NBAS: variants seen among roughly 807,000 people sequenced by gnomAD.
NBAS encodes the protein NBAS subunit of NRZ tethering complex.
Under a neutral mutation model 302.5 loss-of-function variants are expected in NBAS, and 219 were observed. The observed-to-expected ratio is 0.72, with a 90% CI of 0.65 to 0.81. The LOEUF is 0.81. Ranked by LOEUF, NBAS falls within the 30% of genes least tolerant of loss-of-function variation. The pLI, the probability that NBAS is intolerant of heterozygous loss-of-function variation, is 0.00. For synonymous variants in NBAS, 1,118 were observed against 1,021.6 expected (o/e 1.09, Z -1.80); for missense variants, 2,932 against 2,841.6 (o/e 1.03, Z -0.72).
At chr2:14,987,661 CA>C in the NBAS span, among the ~76,000 whole-genome samples, 3 of 151,916 alleles carry the variant, frequency 2.0e-5, no homozygotes, top group Admixed American at 2.0e-4. Flanking sequence ...TTTAACATAA[CA>C]TTTTTTACTT....
chr2:15,491,491 C>G (rs1231765199), intron 11 of NBAS, among the ~76,000 whole-genome samples: 3 of 152,232 alleles, frequency 2.0e-5, no homozygotes, highest in Admixed American at 1.3e-4. Context: ...AATCCCAGCA[C>G]TTTGGGAGGC....
At chr2:15,070,662 C>T in the NBAS span, among the ~76,000 whole-genome samples, 1 of 152,148 alleles carries the variant, frequency 6.6e-6, no homozygotes, top group African/African-American at 2.4e-5. Flanking sequence ...GGGCCTATTC[C>T]CTTCCATGGA....
At chr2:15,558,325 A>G (rs1302178995) in intron 2 of NBAS, among the ~76,000 whole-genome samples, 1 of 152,182 alleles carries the variant, frequency 6.6e-6, no homozygotes, top group African/African-American at 2.4e-5. Flanking sequence ...AATTGAGGAC[A>G]CCTGTTCTAG....
the NBAS span, among the ~76,000 whole-genome samples, chr2:14,893,305 T>C: frequency 6.6e-6 from 1 of 152,214 alleles, no homozygotes; most frequent in African/African-American, 2.4e-5. Flanking sequence ...AGAAAACTGC[T>C]TTTGGATTTA....
chr2:15,138,913 G>A, the NBAS span, among the ~76,000 whole-genome samples: 166 of 152,210 alleles, frequency 1.1e-3, 1 homozygote, highest in South Asian at 0.017. Context: ...CTTATTCTTG[G>A]GAGAAAAAGA....
At chr2:14,994,047 A>C in the NBAS span, among the ~76,000 whole-genome samples, 2 of 152,340 alleles carry the variant, frequency 1.3e-5, no homozygotes, top group Admixed American at 1.3e-4. Flanking sequence ...TCTATCATGT[A>C]CCTAGCACAC....
the NBAS span, among the ~76,000 whole-genome samples, chr2:15,160,811 A>G: frequency 6.6e-6 from 1 of 152,220 alleles, no homozygotes; most frequent in Admixed American, 6.5e-5. Context: ...CAACTGGGTG[A>G]GGTCAGCTGG....
chr2:14,982,153 G>A, the NBAS span, among the ~76,000 whole-genome samples: 1 of 152,156 alleles, frequency 6.6e-6, no homozygotes, highest in East Asian at 1.9e-4. Context: ...CACATGGAGA[G>A]GCCATGCATA....
chr2:15,353,029 T>C (rs187514744), intron 34 of NBAS, among the ~76,000 whole-genome samples: 42 of 152,226 alleles, frequency 2.8e-4, no homozygotes, highest in Admixed American at 2.6e-3. Context: ...AGAATGACTA[T>C]GGGATGAAAA....
At chr2:15,110,414 A>G in the NBAS span, among the ~76,000 whole-genome samples, 2 of 152,164 alleles carry the variant, frequency 1.3e-5, no homozygotes, top group Admixed American at 1.3e-4. Context: ...TTGTTCTAGT[A>G]ACTTCTAATA....
the NBAS span, among the ~76,000 whole-genome samples, chr2:14,779,345 G>T: frequency 6.6e-6 from 1 of 152,172 alleles, no homozygotes; most frequent in East Asian, 1.9e-4. Flanking sequence ...TCTCAATGTA[G>T]TTGTCAGAAT....
At chr2:15,192,987 T>C (rs2125145662) in intron 48 of NBAS, among the ~76,000 whole-genome samples, 1 of 152,326 alleles carries the variant, frequency 6.6e-6, no homozygotes, top group South Asian at 2.1e-4. Flanking sequence ...ATATACATTT[T>C]GAGGAAATAA....
chr2:15,498,281 A>G (rs1468846517), intron 11 of NBAS, among the ~76,000 whole-genome samples: 7 of 152,186 alleles, frequency 4.6e-5, no homozygotes, highest in Admixed American at 4.6e-4. Flanking sequence ...TTCTAATCTG[A>G]TTCTAATCTA....
At chr2:15,327,955 T>A in intron 37 of NBAS, 85 bp from the exon 38 acceptor site, 3 of 1,541,566 alleles carry the variant, frequency 1.9e-6, no homozygotes, top group Non-Finnish European at 2.7e-6. Context: ...TAGGATGTTA[T>A]GTTTTCTGGT....
the NBAS span, among the ~76,000 whole-genome samples, chr2:15,076,114 T>C: frequency 6.6e-6 from 1 of 152,178 alleles, no homozygotes; most frequent in Non-Finnish European, 1.5e-5. Flanking sequence ...AATAACTACC[T>C]CTATTAGGCA....
chr2:15,190,488 C>T (rs1009972502), intron 48 of NBAS, 85 bp from the exon 49 acceptor site: 11 of 1,488,002 alleles, frequency 7.4e-6, no homozygotes, highest in East Asian at 2.5e-5. Flanking sequence ...TTTAATTAAA[C>T]TTTTTTTTAA....
rs147660917 is a variant in NBAS at position 15,281,562 on chromosome 2, T to C, written c.5139-4461A>G. On this transcript the variant is annotated intron_variant, in intron 42 of 51. Coordinates refer to ENST00000281513, the MANE Select transcript of NBAS (RefSeq NM_015909.4). ...AGCTACTATTTTTTTTAACACCTAATACATATCAGGTATTCTGAATAAATC... is the reference window on the plus strand; with the variant it reads ...AGCTACTATTTTTTTTAACACCTAACACATATCAGGTATTCTGAATAAATC... 6.0e-3 allele frequency among the ~76,000 whole-genome samples: 907 copies of C among 152,314 alleles called. 6 individuals carry two copies. The highest frequency in any genetic ancestry group is 0.017 in the Middle Eastern group (5 of 294).
the NBAS span, among the ~76,000 whole-genome samples, chr2:14,972,863 G>T: frequency 1.3e-5 from 2 of 152,196 alleles, no homozygotes; most frequent in African/African-American, 2.4e-5. Context: ...GCTGTCTCCA[G>T]GGATGACATC....
chr2:14,938,765 T>C, the NBAS span, among the ~76,000 whole-genome samples: 3 of 152,166 alleles, frequency 2.0e-5, no homozygotes, highest in Non-Finnish European at 4.4e-5. Context: ...AACAAAGAAA[T>C]TAAGGGTTAT....
Sources: allele counts gnomAD v4.1 joint callset (sites outside exome capture counted in the v4.1 genomes callset), GRCh38; gene constraint gnomAD v4.1.1; transcripts MANE v1.5; gene names NCBI Gene and HGNC (gene_info 2026-07-23, HGNC 2026-07-21).